The following SPRN variants were observed in gnomAD, a reference collection of about 807,000 sequenced individuals.
The protein encoded by SPRN is hypothetical protein BC004409.
For synonymous variants in SPRN, 182 were observed against 123.4 expected (o/e 1.48, Z -3.15); for missense variants, 312 against 241.4 (o/e 1.29, Z -1.94).
In SPRN at chr10:133,423,496, G is replaced by A; in HGVS notation, c.186C>T (p.Ser62=). Residue 62 remains serine, a synonymous_variant, in exon 2 of 2, where the codon TCC becomes TCT. Transcript: ENST00000685335. The part of the protein sequence containing the change: ...RPAQRYGAPG[S]SLRVAAAGAA... ...CCCCGGCGGCAGCCACGCGCAGGGA[G>A]GAGCCCGGGGCACCGTAGCGCTGCG... 1 of 1,166,678 alleles carries A rather than the reference G, an allele frequency of 8.6e-7. No homozygotes were observed. Among genetic ancestry groups the A allele is most frequent in the Non-Finnish European group, 1.1e-6 (1 of 950,074 alleles). The allele number at this position is 1,166,678 out of a possible 1,614,324, so 72.3% of individuals were successfully genotyped here.
Position 133,422,902 on chromosome 10 carries a change from G to C in SPRN, c.*324C>G. Reference sequence around the variant, plus strand: ...GGAGCCGGGGTGGCTTGGGTTCCTGGCCTTGGCACCTCCCTTTGGGCGGCG... The same window carrying C: ...GGAGCCGGGGTGGCTTGGGTTCCTGCCCTTGGCACCTCCCTTTGGGCGGCG... On this transcript the variant is annotated 3_prime_UTR_variant, in exon 2 of 2. Transcript: ENST00000685335. 4.0e-6 allele frequency: 1 copy of C among 248,338 alleles called. No homozygotes were observed. The highest frequency in any genetic ancestry group is 6.0e-5 in the Admixed American group (1 of 16,658). The allele number at this position is 248,338 out of a possible 1,614,324, so 15.4% of individuals were successfully genotyped here.
Position 133,423,524 on chromosome 10 carries a change from G to A in SPRN, c.158C>T (p.Pro53Leu), listed in dbSNP as rs1351288595. The change falls in exon 2 of 2, where the codon CCG becomes CTG. Residue 53 changes from proline to leucine, a missense_variant. Physicochemically the swap from Pro to Leu is moderately conservative, Grantham distance 98 (BLOSUM62 -3). Coordinates refer to ENST00000685335, the MANE Select transcript of SPRN (RefSeq NM_001391974.1). ...GCCCGGGGCACCGTAGCGCTGCGCC[G>A]GCCTCACGCGCACCCTCGAGGCCCC... is the stretch of plus-strand genomic sequence containing the variant. ...ARGASRVRVR[P>L]AQRYGAPGSS... 206 of 1,197,420 alleles carry A rather than the reference G, an allele frequency of 1.7e-4. No homozygotes were observed. The highest frequency in any genetic ancestry group is 6.7e-4 in the Middle Eastern group (2 of 3,006). The allele number at this position is 1,197,420 out of a possible 1,614,324, so 74.2% of individuals were successfully genotyped here.
chr10:133,423,343 T>C lies in SPRN; in HGVS notation c.339A>G (p.Thr113=), dbSNP rs1349845131. 5 of 1,518,580 alleles carry C rather than the reference T, an allele frequency of 3.3e-6. No individual in the cohort carries two copies. In the Admixed American group the frequency reaches 8.1e-5, roughly 25 times the overall value. The allele number at this position is 1,518,580 out of a possible 1,614,324, so 94.1% of individuals were successfully genotyped here. A position where few individuals can be genotyped will look rare whatever the true frequency, so the allele number is the denominator to read the frequency against. ...CCCGGTAGCTGTAGATGCCGGGGCC[T>C]GTCCCGTTGCCTCCGGGCACCCCGT... ...EEDGVPGGNG[T]GPGIYSYRAW... is the part of the protein sequence containing the mutation. Residue 113 remains threonine, a synonymous_variant, in exon 2 of 2, where the codon ACA becomes ACG. Transcript: ENST00000685335.
rs776320437 is a variant in SPRN, at chr10:133,423,707, G to C, written c.-16-10C>G. On this transcript the variant is annotated splice_polypyrimidine_tract_variant and intron_variant, in intron 1 of 1. Transcript: ENST00000685335. The stretch of plus-strand genomic sequence containing the variant: ...CTTCGTGGGGCTAAACCTGCGGGAA[G>C]AGAGGGAAAGGGCCCTTAGTTTCCA... The C allele has an allele frequency of 6.5e-7, 1 of 1,532,832 alleles. No homozygotes were observed. The highest frequency in any genetic ancestry group is 2.5e-5 in the East Asian group (1 of 40,526). 95.0% of individuals were successfully genotyped at this position (1,532,832 alleles called of 1,614,324 possible).
rs749063424 is a variant in SPRN at position 133,423,299 on chromosome 10, C to T, written c.383G>A (p.Gly128Glu). 34 of 1,521,086 alleles carry T rather than the reference C, an allele frequency of 2.2e-5. No homozygotes were observed. Among genetic ancestry groups the T allele is most frequent in the African/African-American group, 1.7e-4 (12 of 70,440 alleles). 94.2% of individuals were successfully genotyped at this position (1,521,086 alleles called of 1,614,324 possible). ...YSYRAWTSGA[G>E]PTRGPRLCLV... is the part of the protein sequence containing the mutation. ...ACAGAGACGCGGGCCGCGCGTGGGT[C>T]CAGCGCCCGAAGTCCACGCCCGGTA... Residue 128 changes from glycine to glutamate, a missense_variant, in exon 2 of 2, where the codon GGA becomes GAA. By Grantham distance (98) the Gly-to-Glu change is moderately conservative. Transcript: ENST00000685335.
rs746023234 is a variant in SPRN, at chr10:133,422,482, C to A, written c.*744G>T. 1.3e-5 allele frequency: 2 copies of A among 152,288 alleles called. No homozygotes were observed. Among genetic ancestry groups the A allele is most frequent in the Non-Finnish European group, 2.9e-5 (2 of 68,106 alleles). 9.4% of individuals were successfully genotyped at this position (152,288 alleles called of 1,614,324 possible). A position where few individuals can be genotyped will look rare whatever the true frequency, so the allele number is the denominator to read the frequency against. ...CTGGAATGTGTTGGTTTTTCCCCCCCAAAATGGGTCCTAAGGAGGGTAAAG... is the reference window on the plus strand; with the variant it reads ...CTGGAATGTGTTGGTTTTTCCCCCCAAAAATGGGTCCTAAGGAGGGTAAAG... On this transcript the variant is annotated 3_prime_UTR_variant, in exon 2 of 2. Coordinates refer to ENST00000685335, the MANE Select transcript of SPRN (RefSeq NM_001391974.1).
chr10:133,423,257 G>C lies in SPRN; in HGVS notation c.425C>G (p.Ala142Gly). 6.7e-7 allele frequency: 1 copy of C among 1,490,500 alleles called. No individual in the cohort carries two copies. Among genetic ancestry groups the C allele is most frequent in the Non-Finnish European group, 8.9e-7 (1 of 1,122,866 alleles). The allele number at this position is 1,490,500 out of a possible 1,614,324, so 92.3% of individuals were successfully genotyped here. Residue 142 changes from alanine to glycine, a missense_variant, in exon 2 of 2, where the codon GCC (alanine) becomes GGC (glycine). Ala to Gly is a moderately conservative substitution (Grantham distance 60). Coordinates refer to ENST00000685335, the MANE Select transcript of SPRN (RefSeq NM_001391974.1). ...GPRLCLVLGGALGALGLLRP is the reference protein window; with the variant it reads ...GPRLCLVLGGGLGALGLLRP ...CCGCAGCAGCCCCAGGGCTCCGAGG[G>C]CGCCGCCCAGCACGAGACAGAGACG...
rs923234048 is a variant in SPRN, at chr10:133,423,351, T to G, written c.331A>C (p.Asn111His). 8.6e-6 allele frequency: 13 copies of G among 1,516,872 alleles called. No homozygotes were observed. The African/African-American group carries it at 1.9e-4, about 22-fold the overall frequency. 94.0% of individuals were successfully genotyped at this position (1,516,872 alleles called of 1,614,324 possible). A position where few individuals can be genotyped will look rare whatever the true frequency, so the allele number is the denominator to read the frequency against. Residue 111 changes from asparagine (N) to histidine (H), a missense_variant, in exon 2 of 2, where the codon AAC (asparagine) becomes CAC (histidine). Asn to His is a moderately conservative substitution (Grantham distance 68). Coordinates refer to ENST00000685335, the MANE Select transcript of SPRN (RefSeq NM_001391974.1). The stretch of plus-strand genomic sequence containing the variant: ...CTGTAGATGCCGGGGCCTGTCCCGT[T>G]GCCTCCGGGCACCCCGTCCTCCTCG... Reference protein sequence around the residue: ...EDEEDGVPGGNGTGPGIYSYR... With the variant: ...EDEEDGVPGGHGTGPGIYSYR...
Position 133,423,031 on chromosome 10 carries a change from C to T in SPRN, c.*195G>A, listed in dbSNP as rs1850281592. 8.6e-6 allele frequency: 5 copies of T among 580,440 alleles called. No individual in the cohort carries two copies. Among genetic ancestry groups the T allele is most frequent in the East Asian group, 3.3e-5 (1 of 30,408 alleles). 36.0% of individuals were successfully genotyped at this position (580,440 alleles called of 1,614,324 possible). A position where few individuals can be genotyped will look rare whatever the true frequency, so the allele number is the denominator to read the frequency against. On this transcript the variant is annotated 3_prime_UTR_variant, in exon 2 of 2. Coordinates refer to ENST00000685335, the MANE Select transcript of SPRN (RefSeq NM_001391974.1). ...TGGGTGGGGCAGGGCCCATGGTCTC[C>T]TCTAGGTGGGAGGTGGCAGGCTGAG...
Position 133,423,606 on chromosome 10 carries a change from C to A in SPRN, c.76G>T (p.Gly26Cys). The A allele has an allele frequency of 6.5e-7, 1 of 1,538,108 alleles. No individual in the cohort carries two copies. The highest frequency in any genetic ancestry group is 8.7e-7 in the Non-Finnish European group (1 of 1,147,068). ...CTGCCCCGCGCACCTCCGCGGCCGC[C>A]CTTGGCTGCGCCGCTGTCGCAGAGG... ...AFLCDSGAAK[G>C]GRGGARGSAR... The change falls in exon 2 of 2, where the codon GGC becomes TGC. Residue 26 changes from glycine (G) to cysteine (C), a missense_variant. Gly to Cys is a radical substitution (Grantham distance 159, BLOSUM62 -3). Coordinates refer to ENST00000685335, the MANE Select transcript of SPRN (RefSeq NM_001391974.1).
rs1403242675 is a variant in SPRN, at chr10:133,423,616, G to C, written c.66C>G (p.Gly22=). 1.3e-6 allele frequency: 2 copies of C among 1,550,426 alleles called. No homozygotes were observed. The highest frequency in any genetic ancestry group is 1.2e-5 in the South Asian group (1 of 83,880). The part of the protein sequence containing the change: ...LLAAAFLCDS[G]AAKGGRGGAR... The stretch of plus-strand genomic sequence containing the variant: ...CACCTCCGCGGCCGCCCTTGGCTGC[G>C]CCGCTGTCGCAGAGGAAGGCGGCCG... Residue 22 remains glycine (G), a synonymous_variant, in exon 2 of 2, where the codon GGC becomes GGG. Coordinates refer to ENST00000685335, the MANE Select transcript of SPRN (RefSeq NM_001391974.1).
In SPRN at chr10:133,421,251, C is replaced by T. The variant is rs1850229182; in HGVS notation, c.*1975G>A. On this transcript the variant is annotated 3_prime_UTR_variant, in exon 2 of 2. Transcript: ENST00000685335. ...TGCATCGTGCCATAACCCTGACCGC[C>T]TGGGGCAGGAAGTATTCAGGTTGGC... The T allele has an allele frequency of 6.5e-6, 1 of 152,866 alleles. No individual in the cohort carries two copies. Among genetic ancestry groups the T allele is most frequent in the South Asian group, 2.1e-4 (1 of 4,830 alleles). 9.5% of individuals were successfully genotyped at this position (152,866 alleles called of 1,614,324 possible).
rs1396624463 is a variant in SPRN at position 133,423,138 on chromosome 10, G to T, written c.*88C>A. The T allele has an allele frequency of 6.2e-6, 8 of 1,281,032 alleles. No individual in the cohort carries two copies. In the East Asian group the frequency reaches 1.2e-4, roughly 19 times the overall value. 79.4% of individuals were successfully genotyped at this position (1,281,032 alleles called of 1,614,324 possible). A position where few individuals can be genotyped will look rare whatever the true frequency, so the allele number is the denominator to read the frequency against. ...ACCCAGTGGGGCTCCAAGACCGTGG[G>T]CAAGGGAGGAAGGGGGAGCCCAGGC... On this transcript the variant is annotated 3_prime_UTR_variant, in exon 2 of 2. Coordinates refer to ENST00000685335, the MANE Select transcript of SPRN (RefSeq NM_001391974.1).
At position 133,422,058 on chromosome 10, in the gene SPRN, C is replaced by T. The variant is rs1196606661; in HGVS notation, c.*1168G>A. The T allele has an allele frequency of 1.3e-5, 2 of 153,118 alleles. No homozygotes were observed. Among genetic ancestry groups the T allele is most frequent in the African/African-American group, 2.4e-5 (1 of 41,460 alleles). The allele number at this position is 153,118 out of a possible 1,614,324, so 9.5% of individuals were successfully genotyped here. On this transcript the variant is annotated 3_prime_UTR_variant, in exon 2 of 2. Transcript: ENST00000685335. Reference sequence around the variant, plus strand: ...AGGGCTGGTCTTAACACAGGTGTGTCCAGTGCTGGAGGCAAGTCCTTGTCG... The same window carrying T: ...AGGGCTGGTCTTAACACAGGTGTGTTCAGTGCTGGAGGCAAGTCCTTGTCG...
Position 133,423,136 on chromosome 10 carries a change from G to T in SPRN, c.*90C>A. The T allele has an allele frequency of 7.9e-7, 1 of 1,265,572 alleles. No individual in the cohort carries two copies. The highest frequency in any genetic ancestry group is 1.0e-6 in the Non-Finnish European group (1 of 960,516). The allele number at this position is 1,265,572 out of a possible 1,614,324, so 78.4% of individuals were successfully genotyped here. On this transcript the variant is annotated 3_prime_UTR_variant, in exon 2 of 2. Transcript: ENST00000685335. ...GCACCCAGTGGGGCTCCAAGACCGT[G>T]GGCAAGGGAGGAAGGGGGAGCCCAG...
Position 133,423,497 on chromosome 10 carries a change from G to A in SPRN, c.185C>T (p.Ser62Phe), listed in dbSNP as rs1850298943. 4.3e-6 allele frequency: 5 copies of A among 1,167,672 alleles called. No individual in the cohort carries two copies. The highest frequency in any genetic ancestry group is 5.3e-6 in the Non-Finnish European group (5 of 950,702). The allele number at this position is 1,167,672 out of a possible 1,614,324, so 72.3% of individuals were successfully genotyped here. Residue 62 changes from serine (S) to phenylalanine (F), a missense_variant, in exon 2 of 2, where the codon TCC (serine) becomes TTC (phenylalanine). Physicochemically the swap from Ser to Phe is radical, Grantham distance 155. Coordinates refer to ENST00000685335, the MANE Select transcript of SPRN (RefSeq NM_001391974.1). ...RPAQRYGAPG[S>F]SLRVAAAGAA... ...CCCGGCGGCAGCCACGCGCAGGGAGGAGCCCGGGGCACCGTAGCGCTGCGC... is the reference window on the plus strand; with the variant it reads ...CCCGGCGGCAGCCACGCGCAGGGAGAAGCCCGGGGCACCGTAGCGCTGCGC...
chr10:133,423,470 GCC>G lies in SPRN; in HGVS notation c.210_211del (p.Ala71GlyfsTer223), dbSNP rs1170320683. On this transcript the variant is annotated frameshift_variant, in exon 2 of 2. Transcript: ENST00000685335. LOFTEE classifies it low-confidence loss of function (END_TRUNC). ...CGCTCCCGCCGCCGCCCCGGCTGCC[GCC>G]CCGGCGGCAGCCACGCGCAGGGAGG... 8 of 1,163,476 alleles carry G rather than the reference GCC, an allele frequency of 6.9e-6. No homozygotes were observed. In the East Asian group the frequency reaches 3.2e-4, roughly 47 times the overall value. 72.1% of individuals were successfully genotyped at this position (1,163,476 alleles called of 1,614,324 possible). A position where few individuals can be genotyped will look rare whatever the true frequency, so the allele number is the denominator to read the frequency against.
At chr10:133,423,970 A>AGGAGCGCCGCAGTG (rs763906489) in intron 1 of SPRN, among the ~76,000 whole-genome samples, 13 of 124,210 alleles carry the variant, frequency 1.0e-4, no homozygotes, top group Admixed American at 2.6e-4. Context: ...GAAGCGGGGC[A>AGGAGCGCCGCAGTG]GGAGCGTTCA....
intron 1 of SPRN, among the ~76,000 whole-genome samples, 151 bp from the exon 2 acceptor site, chr10:133,423,848 C>T (rs1289283404): frequency 2.6e-5 from 4 of 151,382 alleles, no homozygotes; most frequent in South Asian, 4.2e-4. Flanking sequence ...CCTGGGGGGG[C>T]GCGGTTTAAC....
Sources: gnomAD v4.1 joint callset for allele counts (sites outside exome capture counted in the v4.1 genomes callset) on GRCh38, gnomAD v4.1.1 for gene constraint, MANE v1.5 for transcripts, NCBI Gene and HGNC (gene_info 2026-07-23, HGNC 2026-07-21) for gene names.